The following GATA3 variants were observed in gnomAD, a reference collection of about 807,000 sequenced individuals.
GATA3 encodes GATA binding protein 3, also known as trans-acting T-cell-specific transcription factor GATA-3.
A neutral mutation model predicts 36.0 loss-of-function variants in GATA3; 6 were observed. The observed-to-expected ratio is 0.17, with a 90% confidence interval of 0.09 to 0.33. GATA3 has a LOEUF of 0.33. Ranked by LOEUF, GATA3 falls within the 10% of genes least tolerant of loss-of-function variation. GATA3 has a pLI of 1.00. For missense variants in GATA3, 514 were observed against 610.1 expected (o/e 0.84, Z 1.66); for synonymous variants, 326 against 273.0 (o/e 1.19, Z -1.92).
chr10:8,056,082 G>C (rs1211852909), intron 2 of GATA3, among the ~76,000 whole-genome samples, 186 bp downstream of exon 2: 1 of 152,220 alleles, frequency 6.6e-6, no homozygotes, highest in Non-Finnish European at 1.5e-5. Context: ...TCGCGAGAGT[G>C]TGTTTTGAAA....
At chr10:8,050,999 T>C, upstream of GATA3, 2 of 501,850 alleles carry the variant, frequency 4.0e-6, no homozygotes, top group Non-Finnish European at 8.2e-6. Flanking sequence ...CTCTGGTGGG[T>C]GGCCCGGCCG....
upstream of GATA3, chr10:8,053,321 C>T (rs1832547154): frequency 1.3e-5 from 2 of 152,246 alleles, no homozygotes; most frequent in Admixed American, 6.5e-5. This position sits in a 1 kb window ranked among gnomAD's most constrained non-coding sequence, Gnocchi z 5.1. Context: ...GGTGGGATAG[C>T]CTGCGGGGGA....
intron 5 of GATA3, among the ~76,000 whole-genome samples, chr10:8,069,936 A>G (rs1832904824): frequency 6.6e-6 from 1 of 152,142 alleles, no homozygotes; most frequent in Admixed American, 6.5e-5. Context: ...CACCGGTCCT[A>G]TTTTGTTGTT....
chr10:8,058,771 C>G lies in GATA3; in HGVS notation c.708C>G (p.Pro236=), dbSNP rs143582578. 15 of 1,610,480 alleles carry G rather than the reference C, an allele frequency of 9.3e-6. No homozygotes were observed. In the African/African-American group the frequency reaches 9.3e-5, roughly 10 times the overall value. ...VPEYSSGLFP[P]SSLLGGSPTG... ...AGTACAGCTCCGGACTCTTCCCCCC[C>G]AGCAGCCTGCTGGGCGGCTCCCCCA... Residue 236 remains proline (P), a synonymous_variant, in exon 3 of 6, where the codon CCC becomes CCG. Transcript: ENST00000379328.
intron 3 of GATA3, among the ~76,000 whole-genome samples, chr10:8,063,175 A>T (rs1344302757): frequency 6.6e-6 from 1 of 152,046 alleles, no homozygotes; most frequent in African/African-American, 2.4e-5. Flanking sequence ...TCTTCTCCTG[A>T]TCTTCCTCTG....
rs1041429196 is a variant in GATA3 at position 8,055,266 on chromosome 10, C to T, written c.-369-21C>T. The T allele has an allele frequency of 1.3e-5, 5 of 372,336 alleles. No individual in the cohort carries two copies. The highest frequency in any genetic ancestry group is 8.6e-5 in the African/African-American group (4 of 46,342). The allele number at this position is 372,336 out of a possible 1,614,324, so 23.1% of individuals were successfully genotyped here. On this transcript the variant is annotated intron_variant, in intron 1 of 5. Transcript: ENST00000379328. The surrounding 1 kb of genome is among the most constrained non-coding windows in gnomAD (Gnocchi z 5.4). The stretch of plus-strand genomic sequence containing the variant: ...CAGCAACTCAGGGGCTCATCCAGGT[C>T]TCCCATTCTCTCCCTTGCAGGTGAC...
At chr10:8,048,559 G>A (rs1832420062) in intron 1 of GATA3, among the ~76,000 whole-genome samples, 1 of 152,192 alleles carries the variant, frequency 6.6e-6, no homozygotes, top group African/African-American at 2.4e-5. Context: ...GGAGACCCAG[G>A]GACGCCGGCT....
intron 4 of GATA3, 86 bp from the exon 5 acceptor site, chr10:8,069,387 T>A (rs1832895065): frequency 7.6e-7 from 1 of 1,317,188 alleles, no homozygotes; most frequent in African/African-American, 1.4e-5. Flanking sequence ...CCTTCCTTTT[T>A]TTTTTTTTCA....
upstream of GATA3, chr10:8,051,023 G>A (rs1434287960): frequency 7.7e-6 from 4 of 519,350 alleles, no homozygotes; most frequent in Non-Finnish European, 1.2e-5. Flanking sequence ...GCATCTCCGC[G>A]CCCTGGGTCT....
chr10:8,074,783 A>C lies in GATA3; in HGVS notation c.*760A>C. On this transcript the variant is annotated 3_prime_UTR_variant, in exon 6 of 6. Transcript: ENST00000379328. ...ATTATACAGACCGAACTGTTGTATAAATTTATTTACTGCTAGTCTTAAGAA... is the reference window on the plus strand; with the variant it reads ...ATTATACAGACCGAACTGTTGTATACATTTATTTACTGCTAGTCTTAAGAA... 4.3e-6 allele frequency: 1 copy of C among 233,718 alleles called. No individual in the cohort carries two copies. Among genetic ancestry groups the C allele is most frequent in the Admixed American group, 5.6e-5 (1 of 17,802 alleles). The allele number at this position is 233,718 out of a possible 1,614,324, so 14.5% of individuals were successfully genotyped here.
intron 4 of GATA3, among the ~76,000 whole-genome samples, chr10:8,065,864 T>TG (rs1554795887): frequency 2.1e-4 from 16 of 75,284 alleles, no homozygotes; most frequent in South Asian, 1.0e-3. Flanking sequence ...AAGAAGTGTT[T>TG]GAAAAAAAAA....
In GATA3 at chr10:8,058,858, C is replaced by G. The variant is rs781057889; in HGVS notation, c.778+17C>G. 2.5e-6 allele frequency: 4 copies of G among 1,599,780 alleles called. No individual in the cohort carries two copies. The African/African-American group carries it at 5.3e-5, about 21-fold the overall frequency. ...CCAGCACAGGTAGGAGCCAGCTCTTCCCTGGAGCCTTTTCTCCTCCCTCCT... is the reference window on the plus strand; with the variant it reads ...CCAGCACAGGTAGGAGCCAGCTCTTGCCTGGAGCCTTTTCTCCTCCCTCCT... On this transcript the variant is annotated intron_variant, in intron 3 of 5. Transcript: ENST00000379328.
rs925538729 is a variant in GATA3, at chr10:8,067,906, T to C, written c.925-1567T>C. ...CCCTATAGTTCTTGTTCTGTGTTCT[T>C]ATAACCATACCAGAATTTTCTTCAT... On this transcript the variant is annotated intron_variant, in intron 4 of 5. Transcript: ENST00000379328. 4.6e-5 allele frequency among the ~76,000 whole-genome samples: 7 copies of C among 152,348 alleles called. 1 individual carries two copies. The highest frequency in any genetic ancestry group is 1.7e-4 in the African/African-American group (7 of 41,594).
At chr10:8,072,595 G>C (rs1399490696) in intron 5 of GATA3, among the ~76,000 whole-genome samples, 3 of 152,240 alleles carry the variant, frequency 2.0e-5, no homozygotes, top group Non-Finnish European at 4.4e-5. Context: ...ATTAAGAAGA[G>C]AGAAATGGCA....
intron 3 of GATA3, 46 bp from the exon 4 acceptor site, chr10:8,063,947 G>T (rs2131500144): frequency 2.5e-6 from 4 of 1,613,986 alleles, no homozygotes; most frequent in Non-Finnish European, 3.4e-6. Context: ...CAGCTTTCCT[G>T]CGTGTTTTCC....
At chr10:8,062,373 TTTTTA>T (rs1190483092) in intron 3 of GATA3, among the ~76,000 whole-genome samples, 121 of 151,790 alleles carry the variant, frequency 8.0e-4, no homozygotes, top group African/African-American at 2.9e-3. Flanking sequence ...TTTTTTTTTT[TTTTTA>T]AAAAACAAAG....
chr10:8,062,921 C>A (rs772266922), intron 3 of GATA3, among the ~76,000 whole-genome samples: 8 of 152,168 alleles, frequency 5.3e-5, no homozygotes, highest in Non-Finnish European at 1.2e-4. Context: ...CTTCCTCTTG[C>A]AAAGTTGAAA....
chr10:8,058,219 T>C, intron 2 of GATA3, 86 bp from the exon 3 acceptor site: 2 of 1,451,976 alleles, frequency 1.4e-6, no homozygotes, highest in South Asian at 1.1e-5. Context: ...CGATGCGAGG[T>C]AGAGATTCCC....
chr10:8,062,028 CA>C (rs199925342), intron 3 of GATA3, among the ~76,000 whole-genome samples: 1,606 of 152,308 alleles, frequency 0.011, 13 homozygotes, highest in East Asian at 0.017. Flanking sequence ...ACCAGCGACA[CA>C]AAAAGGCAGG....
Sources: gnomAD v4.1 joint callset for allele counts (sites outside exome capture counted in the v4.1 genomes callset) on GRCh38, gnomAD v4.1.1 for gene constraint, Gnocchi (gnomAD v3.1) non-coding constraint, MANE v1.5 for transcripts, NCBI Gene and HGNC (gene_info 2026-07-23, HGNC 2026-07-21) for gene names.